The following KNOP1 variants were observed in gnomAD, a reference collection of about 807,000 sequenced individuals.
The protein encoded by KNOP1 is lysine rich nucleolar protein 1, also known as lysine-rich nucleolar protein 1.
Under a neutral mutation model 30.6 loss-of-function variants are expected in KNOP1, and 20 were observed. The observed-to-expected ratio is 0.65, with a 90% confidence interval of 0.46 to 0.95. The LOEUF is 0.95. KNOP1 is among the 40% of genes least tolerant of loss of function. The probability of loss-of-function intolerance (pLI) is 0.00; values close to 1 mark genes in which losing one functional copy is unlikely to be tolerated. For synonymous variants in KNOP1, 204 were observed against 210.0 expected (o/e 0.97, Z 0.25); for missense variants, 540 against 562.0 (o/e 0.96, Z 0.40).
chr16:19,705,054 T>C lies in KNOP1; in HGVS notation c.*1856A>G, dbSNP rs1976303261. The C allele has an allele frequency of 2.4e-6, 1 of 412,538 alleles. No homozygotes were observed. The highest frequency in any genetic ancestry group is 2.6e-5 in the Admixed American group (1 of 38,626). The allele number at this position is 412,538 out of a possible 1,614,324, so 25.6% of individuals were successfully genotyped here. ...GGGCAGATGACTCATTGCCCAGCAATGGAGGCTTCTGGAAGTTTCCTTGAG... is the reference window on the plus strand; with the variant it reads ...GGGCAGATGACTCATTGCCCAGCAACGGAGGCTTCTGGAAGTTTCCTTGAG... On this transcript the variant is annotated 3_prime_UTR_variant, in exon 5 of 5. Coordinates refer to ENST00000219837, the MANE Select transcript of KNOP1 (RefSeq NM_001012991.3).
rs3055691 is a variant in KNOP1, at chr16:19,703,046, GACTT to G, written c.*3860_*3863del. Reference sequence around the variant, plus strand: ...CAAAACCATGGCAACTTCCACATGAGACTTACTTACATTAGGTCTTCTATTGTTA... The same window carrying G: ...CAAAACCATGGCAACTTCCACATGAGACTTACATTAGGTCTTCTATTGTTA... On this transcript the variant is annotated 3_prime_UTR_variant, in exon 5 of 5. Coordinates refer to ENST00000219837, the MANE Select transcript of KNOP1 (RefSeq NM_001012991.3). 51,711 of 151,332 alleles carry G rather than the reference GACTT, an allele frequency of 0.34. 13,796 individuals are homozygous for G. Among genetic ancestry groups the G allele is most frequent in the African/African-American group, 0.75 (30,883 of 41,184 alleles). The allele number at this position is 151,332 out of a possible 1,614,324, so 9.4% of individuals were successfully genotyped here. A position where few individuals can be genotyped will look rare whatever the true frequency, so the allele number is the denominator to read the frequency against.
rs752249897 is a variant in KNOP1, at chr16:19,706,988, G to T, written c.1299C>A (p.Gly433=). ...TGTTGGGGGCGGTGGAGAAGCCGAGGCCGGCTCCCCGGCTGTACTTCCAGC... is the reference window on the plus strand; with the variant it reads ...TGTTGGGGGCGGTGGAGAAGCCGAGTCCGGCTCCCCGGCTGTACTTCCAGC... The part of the protein sequence containing the change: ...AMSWKYSRGA[G]LGFSTAPNKI... The change falls in exon 5 of 5, where the codon GGC becomes GGA. Residue 433 remains glycine, a synonymous_variant. Coordinates refer to ENST00000219837, the MANE Select transcript of KNOP1 (RefSeq NM_001012991.3). 41 of 1,613,774 alleles carry T rather than the reference G, an allele frequency of 2.5e-5. No homozygotes were observed. The South Asian group carries it at 4.5e-4, about 18-fold the overall frequency.
intron 3 of KNOP1, among the ~76,000 whole-genome samples, chr16:19,710,891 G>T (rs1013957955): frequency 1.4e-5 from 2 of 141,126 alleles, no homozygotes; most frequent in Non-Finnish European, 3.0e-5. Context: ...CAGCCTGGGG[G>T]ACAGAGTGAG....
At chr16:19,711,325 G>T (rs1190141209) in intron 3 of KNOP1, 47 bp downstream of exon 3, 2 of 1,584,368 alleles carry the variant, frequency 1.3e-6, no homozygotes, top group Non-Finnish European at 1.7e-6. Context: ...AGACTCCAAG[G>T]GTGGCAGGAG....
At chr16:19,711,313 T>G in intron 3 of KNOP1, 59 bp downstream of exon 3, 63 of 1,550,810 alleles carry the variant, frequency 4.1e-5, no homozygotes, top group Non-Finnish European at 5.5e-5. Flanking sequence ...AGGCAGCAAG[T>G]GAGACTCCAA....
chr16:19,709,184 T>C (rs1976577172), intron 4 of KNOP1, among the ~76,000 whole-genome samples: 1 of 152,066 alleles, frequency 6.6e-6, no homozygotes, highest in Non-Finnish European at 1.5e-5. Flanking sequence ...ACGAGTCCCA[T>C]TTTACAGGCT....
In KNOP1 at chr16:19,718,183, A is replaced by T. The variant is rs1977306079; in HGVS notation, c.-28T>A. On this transcript the variant is annotated 5_prime_UTR_variant, in exon 1 of 5. Transcript: ENST00000219837. ...CGGTGGGCGAAATTTCCCCGCCTCC[A>T]CGTGAGAGCCAGCTCCGCCGTGACC... 6.7e-7 allele frequency: 1 copy of T among 1,490,346 alleles called. No individual in the cohort carries two copies. The highest frequency in any genetic ancestry group is 1.3e-5 in the South Asian group (1 of 75,436). The allele number at this position is 1,490,346 out of a possible 1,614,324, so 92.3% of individuals were successfully genotyped here. A position where few individuals can be genotyped will look rare whatever the true frequency, so the allele number is the denominator to read the frequency against.
chr16:19,705,051 C>A lies in KNOP1; in HGVS notation c.*1859G>T. 2.4e-6 allele frequency: 1 copy of A among 410,402 alleles called. No individual in the cohort carries two copies. The allele number at this position is 410,402 out of a possible 1,614,324, so 25.4% of individuals were successfully genotyped here. On this transcript the variant is annotated 3_prime_UTR_variant, in exon 5 of 5. Transcript: ENST00000219837. ...TATGGGCAGATGACTCATTGCCCAG[C>A]AATGGAGGCTTCTGGAAGTTTCCTT...
intron 1 of KNOP1, chr16:19,715,309 T>A (rs1976974388): frequency 2.9e-6 from 1 of 345,248 alleles, no homozygotes; most frequent in African/African-American, 2.1e-5. Context: ...ATCTGGAAAA[T>A]GGGGGAATAT....
At position 19,718,143 on chromosome 16, in the gene KNOP1, C is replaced by G; in HGVS notation, c.-3+15G>C. 6.9e-7 allele frequency: 1 copy of G among 1,447,648 alleles called. No homozygotes were observed. The highest frequency in any genetic ancestry group is 1.4e-5 in the South Asian group (1 of 69,064). 89.7% of individuals were successfully genotyped at this position (1,447,648 alleles called of 1,614,324 possible). A position where few individuals can be genotyped will look rare whatever the true frequency, so the allele number is the denominator to read the frequency against. On this transcript the variant is annotated intron_variant, in intron 1 of 4. Coordinates refer to ENST00000219837, the MANE Select transcript of KNOP1 (RefSeq NM_001012991.3). ...ACCCCGCGCCGGCCCGCCTGCAACGCGCCCTGGCACTCACCGGTGGGCGAA... is the reference window on the plus strand; with the variant it reads ...ACCCCGCGCCGGCCCGCCTGCAACGGGCCCTGGCACTCACCGGTGGGCGAA...
intron 4 of KNOP1, among the ~76,000 whole-genome samples, chr16:19,708,332 C>G (rs1003759719): frequency 6.6e-6 from 1 of 152,048 alleles, no homozygotes. Context: ...ACCCCCTTCT[C>G]CCAGGTCGGT....
intron 3 of KNOP1, 64 bp downstream of exon 3, chr16:19,711,308 G>A: frequency 6.5e-7 from 1 of 1,527,666 alleles, no homozygotes; most frequent in Non-Finnish European, 9.1e-7. Context: ...CTGGCAGGCA[G>A]CAAGTGAGAC....
intron 2 of KNOP1, among the ~76,000 whole-genome samples, chr16:19,713,440 G>T (rs1193665843): frequency 6.6e-6 from 1 of 152,156 alleles, no homozygotes; most frequent in African/African-American, 2.4e-5. Flanking sequence ...CCCAACTGAG[G>T]CCTGCGATAG....
intron 2 of KNOP1, 73 bp from the exon 3 acceptor site, chr16:19,711,513 G>GT: frequency 6.9e-7 from 1 of 1,452,600 alleles, no homozygotes; most frequent in Non-Finnish European, 9.7e-7. Flanking sequence ...CCCAGCCAGG[G>GT]TGAGACCATG....
At chr16:19,717,436 G>C (rs1977213385) in intron 1 of KNOP1, 1 of 985,684 alleles carries the variant, frequency 1.0e-6, no homozygotes, top group South Asian at 4.7e-5. Flanking sequence ...GAATAGGGGA[G>C]CAGTCAAGAG....
chr16:19,713,466 T>C (rs1976823010), intron 2 of KNOP1, among the ~76,000 whole-genome samples: 2 of 152,196 alleles, frequency 1.3e-5, no homozygotes, highest in African/African-American at 4.8e-5. Flanking sequence ...CTGAGACTTC[T>C]GTCATAGATT....
chr16:19,714,812 C>G lies in KNOP1; in HGVS notation c.224G>C (p.Ser75Thr). Residue 75 changes from serine to threonine, a missense_variant, in exon 2 of 5, where the codon AGC becomes ACC. Coordinates refer to ENST00000219837, the MANE Select transcript of KNOP1 (RefSeq NM_001012991.3). ...TTCTACATGCTCCTCGCAAAGGGTG[C>G]TGACACCCTTCTTTTTCTTCTTCTT... ...KKKKKKKKGV[S>T]TLCEEHVEPE... is the part of the protein sequence containing the mutation. 1 of 1,613,862 alleles carries G rather than the reference C, an allele frequency of 6.2e-7. No homozygotes were observed. Among genetic ancestry groups the G allele is most frequent in the Non-Finnish European group, 8.5e-7 (1 of 1,179,894 alleles).
At chr16:19,707,813 A>C in intron 4 of KNOP1, among the ~76,000 whole-genome samples, 5 of 56,274 alleles carry the variant, frequency 8.9e-5, no homozygotes, top group Admixed American at 2.3e-4. Context: ...CTCTCCCCCT[A>C]CCATCCTACA....
chr16:19,710,328 AGAAG>A (rs1976641392), intron 4 of KNOP1, 177 bp downstream of exon 4: 1 of 667,122 alleles, frequency 1.5e-6, no homozygotes, highest in Non-Finnish European at 2.7e-6. Flanking sequence ...CGCCCTTTTC[AGAAG>A]GAAGGAAATT....
Sources: allele counts gnomAD v4.1 joint callset (sites outside exome capture counted in the v4.1 genomes callset), GRCh38; gene constraint gnomAD v4.1.1; transcripts MANE v1.5; gene names NCBI Gene and HGNC (gene_info 2026-07-23, HGNC 2026-07-21).